CDH4: variants seen among roughly 807,000 people sequenced by gnomAD.
CDH4 encodes cadherin-4.
CDH4 carries 33 observed loss-of-function variants against 86.0 expected under a neutral mutation model. The ratio of observed to expected loss-of-function variants is 0.38; its 90% CI spans 0.29 to 0.51. CDH4 has a LOEUF of 0.51. CDH4 is among the 20% of genes least tolerant of loss of function. CDH4 has a pLI of 0.86. For synonymous variants in CDH4, 555 were observed against 549.4 expected (o/e 1.01, Z -0.14); for missense variants, 1,114 against 1,307.4 (o/e 0.85, Z 2.28).
chr20:61,264,029 C>T (rs1243338540), intron 2 of CDH4, among the ~76,000 whole-genome samples: 13 of 152,126 alleles, frequency 8.5e-5, no homozygotes, highest in Non-Finnish European at 1.9e-4. Context: ...CGTTGCAAGA[C>T]TCTTAATTCA....
rs554026231 is a variant in CDH4, at chr20:61,632,936, A to G, written c.170-110627A>G. ...CCTATTGGCTTTACGTTGTCTCTCT[A>G]TCCATCTTCTTATCCTCCCATACAA... is the stretch of plus-strand genomic sequence containing the variant. On this transcript the variant is annotated intron_variant, in intron 2 of 15. Coordinates refer to ENST00000614565, the MANE Select transcript of CDH4 (RefSeq NM_001794.5). Among the ~76,000 whole-genome samples the G allele has an allele frequency of 2.1e-3, 314 of 146,936 alleles. 1 individual carries two copies. Among genetic ancestry groups the G allele is most frequent in the African/African-American group, 7.6e-3 (303 of 39,658 alleles).
intron 2 of CDH4, among the ~76,000 whole-genome samples, chr20:61,700,007 G>A (rs950672389): frequency 6.6e-6 from 1 of 152,190 alleles, no homozygotes; most frequent in African/African-American, 2.4e-5. Context: ...GGCTCACAGC[G>A]CCGGAGCTGC....
intron 2 of CDH4, among the ~76,000 whole-genome samples, chr20:61,568,122 C>G (rs1327736526): frequency 6.6e-6 from 1 of 152,180 alleles, no homozygotes; most frequent in Non-Finnish European, 1.5e-5. Context: ...GCAGGGTCCC[C>G]TTTAAAACAG....
intron 5 of CDH4, among the ~76,000 whole-genome samples, chr20:61,850,314 A>C (rs1982653423): frequency 1.3e-5 from 2 of 152,220 alleles, no homozygotes; most frequent in South Asian, 4.1e-4. Flanking sequence ...TTCTTATAGC[A>C]CTGCCTGGCC....
rs2085184582 is a variant in CDH4 at position 61,422,452 on chromosome 20, AAAAAAAAAAAAAAAAC to A, written c.169+167516_169+167531del. ...AAAAAAAAAAAAAAAAAAAAAAAAA[AAAAAAAAAAAAAAAAC>A]CAAATCTCCCCAAGTGTCTTCTTTA... On this transcript the variant is annotated intron_variant, in intron 2 of 15. Transcript: ENST00000614565. 1.4e-3 allele frequency among the ~76,000 whole-genome samples: 124 copies of A among 90,486 alleles called. 5 individuals are homozygous for A. Among genetic ancestry groups the A allele is most frequent in the African/African-American group, 2.8e-3 (64 of 23,116 alleles). The allele number at this position is 90,486 out of a possible 152,430, so 59.4% of individuals were successfully genotyped here.
intron 2 of CDH4, among the ~76,000 whole-genome samples, chr20:61,559,366 T>C: frequency 6.6e-6 from 1 of 152,082 alleles, no homozygotes; most frequent in East Asian, 1.9e-4. Context: ...GTTGGAATGC[T>C]GATGGCCATC....
rs2145862844 is a variant in CDH4 at position 61,684,697 on chromosome 20, T to C, written c.170-58866T>C. ...CTTACAAACCATCTTAGCGTTTTTG[T>C]GCAAACAGCTCCCAATCCTCGCCAG... On this transcript the variant is annotated intron_variant, in intron 2 of 15. Transcript: ENST00000614565. The surrounding 1 kb of genome is among the most constrained non-coding windows in gnomAD (Gnocchi z 4.5). 6.6e-6 allele frequency among the ~76,000 whole-genome samples: 1 copy of C among 152,222 alleles called. No individual in the cohort carries two copies. The highest frequency in any genetic ancestry group is 2.4e-5 in the African/African-American group (1 of 41,530).
intron 4 of CDH4, among the ~76,000 whole-genome samples, chr20:61,837,171 C>T (rs1344698091): frequency 2.6e-5 from 4 of 152,112 alleles, no homozygotes; most frequent in African/African-American, 4.8e-5. Flanking sequence ...CCAGCCTGGG[C>T]GACAGAGCAA....
At chr20:61,486,745 C>T (rs527816794) in intron 2 of CDH4, among the ~76,000 whole-genome samples, 29 of 152,052 alleles carry the variant, frequency 1.9e-4, no homozygotes, top group African/African-American at 5.3e-4. Flanking sequence ...ATTAAGTAGC[C>T]AGTTATGGTA....
At chr20:61,788,432 G>A (rs1046916183) in intron 4 of CDH4, among the ~76,000 whole-genome samples, 1 of 152,192 alleles carries the variant, frequency 6.6e-6, no homozygotes, top group African/African-American at 2.4e-5. Context: ...AGTGATGGCA[G>A]AGGAGCCCTG....
chr20:61,488,261 G>A (rs1350338327), intron 2 of CDH4, among the ~76,000 whole-genome samples: 1 of 152,176 alleles, frequency 6.6e-6, no homozygotes, highest in African/African-American at 2.4e-5. Context: ...CAAAGCACAG[G>A]GCAGGGTGAG....
chr20:61,332,356 C>T (rs1307760333), intron 2 of CDH4, among the ~76,000 whole-genome samples: 1 of 152,220 alleles, frequency 6.6e-6, no homozygotes. Flanking sequence ...ACCCATGATG[C>T]TGGCCCACTG....
intron 2 of CDH4, among the ~76,000 whole-genome samples, chr20:61,345,338 G>T (rs907910444): frequency 6.6e-6 from 1 of 152,182 alleles, no homozygotes. Flanking sequence ...ACACCACCCC[G>T]CGATGATGAG....
At chr20:61,375,931 A>ATGGTGTGGTTTGT (rs1223852388) in intron 2 of CDH4, among the ~76,000 whole-genome samples, 5 of 5,032 alleles carry the variant, frequency 9.9e-4, no homozygotes, top group African/African-American at 2.5e-3. Context: ...GGTGCTGGTG[A>ATGGTGTGGTTTGT]TGATGGTGGT....
At chr20:61,648,516 G>T (rs538445852) in intron 2 of CDH4, among the ~76,000 whole-genome samples, 1 of 152,170 alleles carries the variant, frequency 6.6e-6, no homozygotes, top group Non-Finnish European at 1.5e-5. Flanking sequence ...CCACTTTGTC[G>T]TCTAGACAGT....
chr20:61,418,598 G>A (rs544368372), intron 2 of CDH4, among the ~76,000 whole-genome samples: 2 of 152,294 alleles, frequency 1.3e-5, no homozygotes, highest in Non-Finnish European at 2.9e-5. Flanking sequence ...GGCTGATAAT[G>A]GCACTTGCTC....
At chr20:61,804,054 C>T (rs1979985434) in intron 4 of CDH4, among the ~76,000 whole-genome samples, 1 of 152,266 alleles carries the variant, frequency 6.6e-6, no homozygotes, top group Non-Finnish European at 1.5e-5. Context: ...AGAGAGGCGC[C>T]TGCTCTCCAC....
chr20:61,599,718 C>G, intron 2 of CDH4: 1 of 813,000 alleles, frequency 1.2e-6, no homozygotes, highest in Non-Finnish European at 1.5e-6. Context: ...CTTCATCTGC[C>G]GAGGCCCCGC....
intron 2 of CDH4, among the ~76,000 whole-genome samples, chr20:61,647,657 C>T (rs1011136406): frequency 6.6e-6 from 1 of 151,394 alleles, no homozygotes; most frequent in African/African-American, 2.4e-5. Flanking sequence ...CCAGGCTGAT[C>T]CCCATCTGGG....
Sources: gnomAD v4.1 joint callset for allele counts (sites outside exome capture counted in the v4.1 genomes callset) on GRCh38, gnomAD v4.1.1 for gene constraint, Gnocchi (gnomAD v3.1) non-coding constraint, MANE v1.5 for transcripts, NCBI Gene and HGNC (gene_info 2026-07-23, HGNC 2026-07-21) for gene names.